TCF25: variants seen among roughly 807,000 people sequenced by gnomAD.
TCF25 encodes the protein ribosome quality control complex subunit TCF25.
Under a neutral mutation model 83.1 loss-of-function variants are expected in TCF25, and 41 were observed. The ratio of observed to expected loss-of-function variants is 0.49; its 90% CI spans 0.38 to 0.64. TCF25 has a LOEUF of 0.64. TCF25 is among the 30% of genes least tolerant of loss of function. The pLI is 0.00. For synonymous variants in TCF25, 458 were observed against 365.0 expected, an observed-to-expected ratio of 1.25 and a Z score of -2.90; for missense variants, 979 against 914.5, an observed-to-expected ratio of 1.07 and a Z score of -0.91.
chr16:89,883,713 G>GA, intron 2 of TCF25: 2 of 608,970 alleles, frequency 3.3e-6, no homozygotes, highest in Non-Finnish European at 5.6e-6. Context: ...CCTTTCTCCT[G>GA]CATCTCAGGA....
At chr16:89,897,109 C>T (rs2144160490) in intron 9 of TCF25, among the ~76,000 whole-genome samples, 1 of 152,188 alleles carries the variant, frequency 6.6e-6, no homozygotes, top group East Asian at 1.9e-4. Flanking sequence ...GCATTTCCTT[C>T]TATGTTTGGC....
intron 1 of TCF25, among the ~76,000 whole-genome samples, chr16:89,876,077 CAGAGTA>C (rs1486351938): frequency 6.6e-6 from 1 of 151,796 alleles, no homozygotes; most frequent in East Asian, 1.9e-4. Flanking sequence ...CATGAGTTGA[CAGAGTA>C]AGAGTCTGTA....
intron 16 of TCF25, 150 bp from the exon 17 acceptor site, chr16:89,910,441 G>A: frequency 1.4e-6 from 1 of 727,534 alleles, no homozygotes; most frequent in Non-Finnish European, 2.3e-6. Context: ...GGGGAATCCA[G>A]GGCCTGTGCT....
chr16:89,896,635 G>C (rs1422515777), intron 9 of TCF25, among the ~76,000 whole-genome samples: 2 of 147,608 alleles, frequency 1.4e-5, no homozygotes, highest in East Asian at 4.0e-4. Flanking sequence ...CTCACTGCAA[G>C]CTCCACCTCC....
In TCF25 at chr16:89,887,695, C is replaced by T. The variant is rs772131977; in HGVS notation, c.592C>T (p.Arg198Trp). The change falls in exon 5 of 18, where the codon CGG (arginine) becomes TGG (tryptophan). Residue 198 changes from arginine to tryptophan, a missense_variant. Arg to Trp is a moderately radical substitution (Grantham distance 101, BLOSUM62 -3). Coordinates refer to ENST00000263346, the MANE Select transcript of TCF25 (RefSeq NM_014972.3). ...AGAACTGAAAAGGTATTTTGGTGCC[C>T]GGGCAATCCTGGGGGAGCAAAGGTA... ...DTELKRYFGARAILGEQRPRQ... is the reference protein window; with the variant it reads ...DTELKRYFGAWAILGEQRPRQ... The T allele has an allele frequency of 6.3e-6, 10 of 1,590,908 alleles. No homozygotes were observed. The highest frequency in any genetic ancestry group is 4.1e-5 in the African/African-American group (3 of 73,324).
intron 12 of TCF25, among the ~76,000 whole-genome samples, chr16:89,903,027 CCT>C (rs907792757): frequency 7.2e-5 from 11 of 152,202 alleles, no homozygotes; most frequent in African/African-American, 1.4e-4. Context: ...AGTTTCGTCC[CCT>C]GTGTCTAAGA....
intron 6 of TCF25, 71 bp downstream of exon 6, chr16:89,892,346 C>A: frequency 7.5e-7 from 1 of 1,326,280 alleles, no homozygotes; most frequent in Non-Finnish European, 1.0e-6. Context: ...CCCGGTACAG[C>A]AAACCAGGTG....
At chr16:89,879,276 G>A (rs1013472840) in intron 1 of TCF25, among the ~76,000 whole-genome samples, 12 of 147,678 alleles carry the variant, frequency 8.1e-5, no homozygotes, top group African/African-American at 2.8e-4. Context: ...CCTGTCACAC[G>A]TGTTGTCCGT....
chr16:89,897,589 A>G (rs1256104215), intron 9 of TCF25, among the ~76,000 whole-genome samples: 1 of 152,188 alleles, frequency 6.6e-6, no homozygotes, highest in African/African-American at 2.4e-5. Context: ...TTCCAATGAA[A>G]TTCTTAGTTC....
chr16:89,879,317 C>A (rs1016464906), intron 1 of TCF25, among the ~76,000 whole-genome samples: 1 of 144,218 alleles, frequency 6.9e-6, no homozygotes, highest in African/African-American at 2.7e-5. Context: ...GCCTGTCACA[C>A]GTGCTGTTCG....
intron 1 of TCF25, among the ~76,000 whole-genome samples, chr16:89,876,643 TG>T (rs200211553): frequency 0.042 from 6,350 of 151,950 alleles, 472 homozygotes; most frequent in African/African-American, 0.15. Flanking sequence ...ATACAAAAAT[TG>T]GGCCAGGCGT....
At chr16:89,876,441 T>A (rs747066100) in intron 1 of TCF25, among the ~76,000 whole-genome samples, 1 of 152,142 alleles carries the variant, frequency 6.6e-6, no homozygotes, top group Non-Finnish European at 1.5e-5. Flanking sequence ...AAAATTTTAT[T>A]TATTTAGAGA....
At chr16:89,900,980 T>C in intron 12 of TCF25, 186 bp downstream of exon 12, 1 of 641,616 alleles carries the variant, frequency 1.6e-6, no homozygotes, top group African/African-American at 1.8e-5. Context: ...CGGAACCCGC[T>C]GCGTGCCAAG....
At chr16:89,888,840 A>ATTTCTTTTT (rs2043207551) in intron 5 of TCF25, among the ~76,000 whole-genome samples, 1 of 109,918 alleles carries the variant, frequency 9.1e-6, no homozygotes, top group Non-Finnish European at 1.8e-5. Context: ...CGCCCAGCTA[A>ATTTCTTTTT]TTTTTTTTTT....
rs74033897 is a variant in TCF25 at position 89,910,448 on chromosome 16, T to A, written c.1800-143T>A. 1.5e-3 allele frequency: 1,172 copies of A among 766,746 alleles called. 12 individuals carry two copies. The African/African-American group carries it at 0.019, about 12-fold the overall frequency. 47.5% of individuals were successfully genotyped at this position (766,746 alleles called of 1,614,324 possible). A position where few individuals can be genotyped will look rare whatever the true frequency, so the allele number is the denominator to read the frequency against. ...GGCCACCCGGGGAATCCAGGGCCTG[T>A]GCTCAGCTGCTGCTGCTCTGCCCCC... On this transcript the variant is annotated intron_variant, in intron 16 of 17. Transcript: ENST00000263346.
intron 15 of TCF25, among the ~76,000 whole-genome samples, chr16:89,906,628 G>T (rs571586755): frequency 4.7e-4 from 72 of 152,300 alleles, no homozygotes; most frequent in African/African-American, 1.7e-3. Flanking sequence ...TCCTGTGCTG[G>T]AGGTGCCGTT....
chr16:89,904,084 G>A (rs1191730859), intron 12 of TCF25, 34 bp from the exon 13 acceptor site: 2 of 1,586,114 alleles, frequency 1.3e-6, no homozygotes, highest in Non-Finnish European at 1.7e-6. Flanking sequence ...GGTGTGTGCT[G>A]AGGGCCCCCA....
intron 1 of TCF25, among the ~76,000 whole-genome samples, chr16:89,879,158 C>A (rs1013399385): frequency 1.3e-5 from 2 of 150,222 alleles, no homozygotes; most frequent in South Asian, 2.1e-4. Flanking sequence ...ACGTGCTGTT[C>A]GTGTACACAG....
At chr16:89,906,318 T>C in intron 15 of TCF25, 34 bp downstream of exon 15, 1 of 1,603,242 alleles carries the variant, frequency 6.2e-7, no homozygotes, top group Non-Finnish European at 8.5e-7. Context: ...GAGCTCTGTG[T>C]AAGCCGGTCA....
Sources: gnomAD v4.1 joint callset for allele counts (sites outside exome capture counted in the v4.1 genomes callset) on GRCh38, gnomAD v4.1.1 for gene constraint, MANE v1.5 for transcripts, NCBI Gene and HGNC (gene_info 2026-07-23, HGNC 2026-07-21) for gene names.